Variants in RORB observed in about 807,000 individuals in gnomAD.
RORB encodes RAR related orphan receptor B, also known as nuclear receptor ROR-beta.
In RORB, 6 loss-of-function variants were observed where a neutral mutation model predicts 59.1. That is an observed-to-expected ratio of 0.10 (90% confidence interval 0.06 to 0.20). The LOEUF (loss-of-function observed/expected upper bound fraction) is 0.20. RORB is among the 10% of genes least tolerant of loss of function. RORB has a pLI of 1.00. For missense variants in RORB, 320 were observed against 560.5 expected, an observed-to-expected ratio of 0.57 and a Z score of 4.33; for synonymous variants, 215 against 204.5, an observed-to-expected ratio of 1.05 and a Z score of -0.44.
chr9:74,681,225 G>A (rs182018120), intron 9 of RORB, among the ~76,000 whole-genome samples: 57 of 152,300 alleles, frequency 3.7e-4, no homozygotes, highest in Admixed American at 1.8e-3. Context: ...TAACTGCTGT[G>A]GAGGCTGCTC....
At chr9:74,498,628 G>T (rs904138278) in intron 1 of RORB, 2 of 152,478 alleles carry the variant, frequency 1.3e-5, no homozygotes, top group African/African-American at 2.4e-5. Context: ...CCAGGTCCTC[G>T]TGCCCGAGCC....
At chr9:74,584,308 C>T (rs1229188162) in intron 1 of RORB, among the ~76,000 whole-genome samples, 1 of 152,166 alleles carries the variant, frequency 6.6e-6, no homozygotes, top group East Asian at 1.9e-4. Flanking sequence ...GGGAGCCAGT[C>T]TGTCTGGAGT....
chr9:74,634,825 G>A, intron 3 of RORB, 53 bp downstream of exon 3: 1 of 1,527,170 alleles, frequency 6.5e-7, no homozygotes, highest in Non-Finnish European at 8.8e-7. Context: ...TGGATGCTTT[G>A]CTGGAGTCTA....
chr9:74,588,763 C>A (rs1822844804), intron 1 of RORB, among the ~76,000 whole-genome samples: 1 of 152,170 alleles, frequency 6.6e-6, no homozygotes, highest in African/African-American at 2.4e-5. Flanking sequence ...CTTGTTTAGT[C>A]AGCTAAAGCA....
intron 1 of RORB, among the ~76,000 whole-genome samples, chr9:74,614,225 G>T (rs1292579961): frequency 6.6e-6 from 1 of 152,182 alleles, no homozygotes; most frequent in African/African-American, 2.4e-5. Context: ...TTCTGAAAAA[G>T]AAGCAAGGAA....
intron 1 of RORB, among the ~76,000 whole-genome samples, chr9:74,595,848 G>A (rs1822962929): frequency 6.6e-6 from 1 of 152,100 alleles, no homozygotes; most frequent in South Asian, 2.1e-4. Context: ...TCTATTGGGG[G>A]CACCTAAATT....
intron 9 of RORB, among the ~76,000 whole-genome samples, chr9:74,674,073 G>A (rs921133974): frequency 3.3e-5 from 5 of 152,114 alleles, no homozygotes; most frequent in African/African-American, 4.8e-5. Flanking sequence ...ACTGAGCCCC[G>A]TTAGCTCCTG....
intron 1 of RORB, among the ~76,000 whole-genome samples, chr9:74,596,844 C>T (rs1158076907): frequency 6.6e-6 from 1 of 152,172 alleles, no homozygotes; most frequent in Non-Finnish European, 1.5e-5. Context: ...TCCTCATTTG[C>T]ACTAGCCACA....
At chr9:74,649,091 G>C (rs553228639) in intron 4 of RORB, among the ~76,000 whole-genome samples, 12 of 151,858 alleles carry the variant, frequency 7.9e-5, no homozygotes, top group Admixed American at 7.2e-4. Flanking sequence ...AGCATCTCAA[G>C]TAGCTGGGAT....
At chr9:74,662,438 T>C (rs1824203236) in intron 5 of RORB, 36 bp from the exon 6 acceptor site, 3 of 1,608,756 alleles carry the variant, frequency 1.9e-6, no homozygotes, top group Non-Finnish European at 2.6e-6. Context: ...CGTAAGTCGT[T>C]TGCCCTATTT....
intron 4 of RORB, among the ~76,000 whole-genome samples, chr9:74,647,963 T>C (rs1320418990): frequency 6.6e-6 from 1 of 152,206 alleles, no homozygotes; most frequent in Non-Finnish European, 1.5e-5. Flanking sequence ...AAATCTATTA[T>C]GCACATCTAA....
intron 1 of RORB, among the ~76,000 whole-genome samples, chr9:74,547,809 T>C (rs2118151781): frequency 6.6e-6 from 1 of 152,288 alleles, no homozygotes. Flanking sequence ...TATTTTTATG[T>C]TAAGTAAAAT....
At chr9:74,675,710 G>T (rs536648968) in intron 9 of RORB, among the ~76,000 whole-genome samples, 21 of 152,334 alleles carry the variant, frequency 1.4e-4, no homozygotes, top group African/African-American at 5.1e-4. Flanking sequence ...TGTGTGCAAA[G>T]CCCGGGTTCA....
At chr9:74,575,552 A>C (rs985997916) in intron 1 of RORB, among the ~76,000 whole-genome samples, 4 of 152,058 alleles carry the variant, frequency 2.6e-5, no homozygotes, top group African/African-American at 4.8e-5. Context: ...AAACTTTCTA[A>C]CTTTCATTTA....
chr9:74,574,246 G>C (rs1216504395), intron 1 of RORB, among the ~76,000 whole-genome samples: 1 of 152,100 alleles, frequency 6.6e-6, no homozygotes, highest in Non-Finnish European at 1.5e-5. Flanking sequence ...CCAGCCCTGA[G>C]TCAGTTTCAG....
intron 1 of RORB, among the ~76,000 whole-genome samples, chr9:74,539,958 A>G (rs1826379646): frequency 6.6e-6 from 1 of 151,996 alleles, no homozygotes; most frequent in Non-Finnish European, 1.5e-5. Flanking sequence ...AAAAGCAATC[A>G]TCATTGTCAA....
rs1210391888 is a variant in RORB, at chr9:74,691,093, T to C, written c.*5475T>C. ...CTATGCAGCAGATGGGGGTTGTCTG[T>C]TTGTGCACTTTTTTCCTAAGCTGCT... On this transcript the variant is annotated 3_prime_UTR_variant, in exon 10 of 10. Transcript: ENST00000376896. 6.6e-6 allele frequency: 1 copy of C among 152,258 alleles called. No individual in the cohort carries two copies. The highest frequency in any genetic ancestry group is 2.4e-5 in the African/African-American group (1 of 41,468). 9.4% of individuals were successfully genotyped at this position (152,258 alleles called of 1,614,324 possible). A position where few individuals can be genotyped will look rare whatever the true frequency, so the allele number is the denominator to read the frequency against.
chr9:74,630,136 C>A, intron 1 of RORB, 146 bp from the exon 2 acceptor site: 2 of 960,458 alleles, frequency 2.1e-6, no homozygotes, highest in Non-Finnish European at 2.9e-6. Flanking sequence ...CATGCAAATA[C>A]TAATGGATGA....
intron 4 of RORB, among the ~76,000 whole-genome samples, chr9:74,645,344 T>A (rs937021643): frequency 2.6e-5 from 4 of 152,190 alleles, no homozygotes; most frequent in African/African-American, 9.6e-5. Context: ...TATTAAATCC[T>A]TGACAGTATC....
Sources: gnomAD v4.1 joint callset for allele counts (sites outside exome capture counted in the v4.1 genomes callset) on GRCh38, gnomAD v4.1.1 for gene constraint, MANE v1.5 for transcripts, NCBI Gene and HGNC (gene_info 2026-07-23, HGNC 2026-07-21) for gene names.